The following LSAMP variants were observed in gnomAD, a reference collection of about 807,000 sequenced individuals.
LSAMP encodes the protein limbic system associated membrane protein.
In LSAMP, 7 loss-of-function variants were observed where a neutral mutation model predicts 38.6. The ratio of observed to expected loss-of-function variants is 0.18; its 90% confidence interval spans 0.10 to 0.34. The LOEUF is 0.34. Among genes scored for constraint, LSAMP ranks in the 10% least tolerant of loss-of-function variants. The pLI, the probability that LSAMP is intolerant of heterozygous loss-of-function variation, is 1.00. For synonymous variants in LSAMP, 154 were observed against 166.8 expected, an observed-to-expected ratio of 0.92 and a Z score of 0.59; for missense variants, 313 against 420.0, an observed-to-expected ratio of 0.75 and a Z score of 2.23.
chr3:116,275,583 A>T (rs2047039746), intron 1 of LSAMP, among the ~76,000 whole-genome samples: 2 of 151,982 alleles, frequency 1.3e-5, no homozygotes, highest in Admixed American at 1.3e-4. Context: ...GTTTTTTTTT[A>T]AACCTCACTC....
At chr3:116,279,738 A>C (rs551530470) in intron 1 of LSAMP, among the ~76,000 whole-genome samples, 2 of 152,266 alleles carry the variant, frequency 1.3e-5, no homozygotes, top group East Asian at 1.9e-4. Flanking sequence ...AATTTTGAAA[A>C]TCTGTTTTCA....
At chr3:116,011,214 G>T (rs1029672060) in intron 3 of LSAMP, among the ~76,000 whole-genome samples, 1 of 152,058 alleles carries the variant, frequency 6.6e-6, no homozygotes, top group African/African-American at 2.4e-5. Flanking sequence ...GCCAGTTTTT[G>T]CATTTTTATA....
intron 1 of LSAMP, among the ~76,000 whole-genome samples, chr3:116,429,338 A>G (rs1254642262): frequency 1.3e-5 from 2 of 152,244 alleles, no homozygotes; most frequent in Non-Finnish European, 2.9e-5. Flanking sequence ...TGTTGGAGAA[A>G]GAAATTGGGT....
chr3:116,286,852 A>G (rs529134501), intron 1 of LSAMP, among the ~76,000 whole-genome samples: 2 of 150,982 alleles, frequency 1.3e-5, no homozygotes, highest in African/African-American at 4.9e-5. Context: ...CTAGTTCTGC[A>G]TTGCCTACCT....
At chr3:116,064,143 A>G (rs1158802974) in intron 2 of LSAMP, among the ~76,000 whole-genome samples, 3 of 152,222 alleles carry the variant, frequency 2.0e-5, no homozygotes, top group East Asian at 3.8e-4. Context: ...CTTTAACATC[A>G]TAAGCATTTG....
chr3:116,064,489 C>T (rs1314567331), intron 2 of LSAMP, among the ~76,000 whole-genome samples: 1 of 133,702 alleles, frequency 7.5e-6, no homozygotes, highest in Non-Finnish European at 1.5e-5. Flanking sequence ...CATTCCAGAG[C>T]GAGACTCCGT....
intron 2 of LSAMP, among the ~76,000 whole-genome samples, chr3:116,062,770 T>C: frequency 6.6e-6 from 1 of 152,228 alleles, no homozygotes; most frequent in Middle Eastern, 3.2e-3. Flanking sequence ...GATATCTTGG[T>C]ACCAACACAA....
At chr3:116,300,907 G>GTGACT (rs2047398978) in intron 1 of LSAMP, among the ~76,000 whole-genome samples, 1 of 152,012 alleles carries the variant, frequency 6.6e-6, no homozygotes, top group Non-Finnish European at 1.5e-5. Context: ...TTTTGGGGAA[G>GTGACT]TGACTTAACT....
intron 3 of LSAMP, among the ~76,000 whole-genome samples, chr3:115,897,521 A>G (rs888589157): frequency 4.6e-5 from 7 of 152,062 alleles, no homozygotes; most frequent in Non-Finnish European, 8.8e-5. Context: ...AGCTGGGGGG[A>G]ATAACTAATG....
At chr3:116,166,757 T>C (rs907485615) in intron 1 of LSAMP, among the ~76,000 whole-genome samples, 1 of 151,944 alleles carries the variant, frequency 6.6e-6, no homozygotes, top group Non-Finnish European at 1.5e-5. Context: ...GCTCACAACT[T>C]TTAAATCTAA....
chr3:115,867,742 T>C (rs1038571021), intron 3 of LSAMP, among the ~76,000 whole-genome samples: 1 of 152,024 alleles, frequency 6.6e-6, no homozygotes, highest in Non-Finnish European at 1.5e-5. Flanking sequence ...GTTTTGTTGG[T>C]GGTCAGGGCA....
At chr3:116,282,550 C>A (rs759071136) in intron 1 of LSAMP, among the ~76,000 whole-genome samples, 3 of 152,144 alleles carry the variant, frequency 2.0e-5, no homozygotes, top group Admixed American at 6.5e-5. Flanking sequence ...AACACATCTT[C>A]CATGTCCCTT....
chr3:116,107,678 G>A (rs1708499542), intron 1 of LSAMP, among the ~76,000 whole-genome samples: 1 of 152,218 alleles, frequency 6.6e-6, no homozygotes, highest in Admixed American at 6.5e-5. Flanking sequence ...GTCTGTCTGT[G>A]AAGCCTTGCG....
intron 1 of LSAMP, among the ~76,000 whole-genome samples, chr3:116,184,631 C>T (rs774157597): frequency 4.6e-5 from 7 of 151,874 alleles, no homozygotes; most frequent in Non-Finnish European, 7.4e-5. Flanking sequence ...TTGCAGGTAC[C>T]TGCAGGCACA....
At chr3:115,820,463 C>G (rs1032176822) in intron 6 of LSAMP, among the ~76,000 whole-genome samples, 1 of 152,114 alleles carries the variant, frequency 6.6e-6, no homozygotes, top group South Asian at 2.1e-4. Context: ...GATCTTAGCT[C>G]CTGATGAGGT....
chr3:116,444,388 GA>G (rs201968060), intron 1 of LSAMP, among the ~76,000 whole-genome samples: 8 of 11,272 alleles, frequency 7.1e-4, no homozygotes, highest in African/African-American at 4.3e-3. Flanking sequence ...GTGTTGGCAT[GA>G]AAAACACACA....
chr3:116,434,916 A>G (rs1275752525), intron 1 of LSAMP, among the ~76,000 whole-genome samples: 1 of 152,140 alleles, frequency 6.6e-6, no homozygotes, highest in Non-Finnish European at 1.5e-5. Context: ...GAATACTGGA[A>G]AACAACAGGC....
chr3:116,163,486 T>C (rs1709952061), intron 1 of LSAMP, among the ~76,000 whole-genome samples: 1 of 150,628 alleles, frequency 6.6e-6, no homozygotes, highest in African/African-American at 2.4e-5. Context: ...TGTTGGACAT[T>C]TGGGTTGGTT....
intron 1 of LSAMP, among the ~76,000 whole-genome samples, chr3:116,367,775 C>T (rs553568845): frequency 9.3e-4 from 141 of 152,098 alleles, no homozygotes; most frequent in African/African-American, 3.2e-3. Context: ...TCCCAAAGTG[C>T]TGGGATTACA....
Sources: allele counts gnomAD v4.1 joint callset (sites outside exome capture counted in the v4.1 genomes callset), GRCh38; gene constraint gnomAD v4.1.1; transcripts MANE v1.5; gene names NCBI Gene and HGNC (gene_info 2026-07-23, HGNC 2026-07-21).